Variants in NUP93 observed in about 807,000 individuals in gnomAD.
The protein encoded by NUP93 is nucleoporin 93.
NUP93 carries 55 observed loss-of-function variants against 107.8 expected under a neutral mutation model. The ratio of observed to expected loss-of-function variants is 0.51; its 90% CI spans 0.41 to 0.64. The LOEUF (loss-of-function observed/expected upper bound fraction) is 0.64. Ranked by LOEUF, NUP93 falls within the 30% of genes least tolerant of loss-of-function variation. The probability of loss-of-function intolerance (pLI) is 0.00; values close to 1 mark genes in which losing one functional copy is unlikely to be tolerated. For missense variants in NUP93, 937 were observed against 1,044.7 expected, an observed-to-expected ratio of 0.90 and a Z score of 1.42; for synonymous variants, 390 against 397.5, an observed-to-expected ratio of 0.98 and a Z score of 0.22.
rs768288058 is a variant in NUP93 at position 56,821,598 on chromosome 16, C to T, written c.654+5C>T. ...GTCGCAGAGCTCGATGATAAGGTAGCACCTAGAGCTAACTCAAGTAGAAAC... is the reference window on the plus strand; with the variant it reads ...GTCGCAGAGCTCGATGATAAGGTAGTACCTAGAGCTAACTCAAGTAGAAAC... On this transcript the variant is annotated splice_donor_5th_base_variant and intron_variant, in intron 7 of 21. Coordinates refer to ENST00000308159, the MANE Select transcript of NUP93 (RefSeq NM_014669.5). 1.7e-5 allele frequency: 27 copies of T among 1,600,634 alleles called. No individual in the cohort carries two copies. In the South Asian group the frequency reaches 2.8e-4, roughly 16 times the overall value.
rs1963832466 is a variant in NUP93 at position 56,833,212 on chromosome 16, C to T, written c.1346-3C>T. On this transcript the variant is annotated splice_polypyrimidine_tract_variant and splice_region_variant and intron_variant, in intron 12 of 21. Transcript: ENST00000308159. ...TTATCTCCTCTCCTCTCCTCTCTCC[C>T]AGGCGAGTCCCACTTTACGGTGAAC... is the stretch of plus-strand genomic sequence containing the variant. 6.3e-7 allele frequency: 1 copy of T among 1,597,348 alleles called. No homozygotes were observed. The highest frequency in any genetic ancestry group is 2.3e-5 in the East Asian group (1 of 43,574).
In NUP93 at chr16:56,839,780, A is replaced by G. The variant is rs547165072; in HGVS notation, c.2220+176A>G. Reference sequence around the variant, plus strand: ...GCCTGGCTTTTCTGTGAGTGCATACATCCCCATCAGATTATTGTCTGAATT... The same window carrying G: ...GCCTGGCTTTTCTGTGAGTGCATACGTCCCCATCAGATTATTGTCTGAATT... On this transcript the variant is annotated intron_variant, in intron 20 of 21. Transcript: ENST00000308159. The G allele has an allele frequency of 1.8e-5, 11 of 597,908 alleles. No individual in the cohort carries two copies. In the South Asian group the frequency reaches 2.1e-4, roughly 11 times the overall value. 37.0% of individuals were successfully genotyped at this position (597,908 alleles called of 1,614,324 possible).
Position 56,751,735 on chromosome 16 carries a change from CATGT to C in NUP93, c.179+3313_179+3316del, listed in dbSNP as rs549319343. Among the ~76,000 whole-genome samples, 852 of 152,274 alleles carry C rather than the reference CATGT, an allele frequency of 5.6e-3. 2 individuals carry two copies. Among genetic ancestry groups the C allele is most frequent in the South Asian group, 0.014 (67 of 4,822 alleles). The stretch of plus-strand genomic sequence containing the variant: ...GCCTCCTGACATTTTATATGCTTCC[CATGT>C]ATGCTGGGAACAGTCCTTGTCCTTC... On this transcript the variant is annotated intron_variant, in intron 2 of 21. Transcript: ENST00000308159.
intron 2 of NUP93, among the ~76,000 whole-genome samples, chr16:56,758,125 C>G (rs1171731687): frequency 3.3e-5 from 5 of 152,020 alleles, no homozygotes; most frequent in East Asian, 1.9e-4. Flanking sequence ...TGTCCTGCCT[C>G]TGCCACTTCC....
In NUP93 at chr16:56,835,107, G is replaced by T. The variant is rs113694051; in HGVS notation, c.1782+329G>T. On this transcript the variant is annotated intron_variant, in intron 16 of 21. Coordinates refer to ENST00000308159, the MANE Select transcript of NUP93 (RefSeq NM_014669.5). The stretch of plus-strand genomic sequence containing the variant: ...TGGCTCAGAAAACATGCAAGGAAAA[G>T]AAATTGATTACTGCACCCATTCTCC... Among the ~76,000 whole-genome samples, 1,363 of 152,310 alleles carry T rather than the reference G, an allele frequency of 8.9e-3. 18 individuals are homozygous for T. Among genetic ancestry groups the T allele is most frequent in the African/African-American group, 0.031 (1,287 of 41,576 alleles).
intron 6 of NUP93, among the ~76,000 whole-genome samples, chr16:56,820,766 T>A (rs1470141140): frequency 6.6e-6 from 1 of 152,150 alleles, no homozygotes; most frequent in Non-Finnish European, 1.5e-5. Context: ...AAGTAGAATC[T>A]TCCACAAGAA....
intron 11 of NUP93, 109 bp from the exon 12 acceptor site, chr16:56,832,186 A>G (rs960631211): frequency 8.0e-7 from 1 of 1,254,904 alleles, no homozygotes; most frequent in Non-Finnish European, 1.2e-6. Context: ...AGCCTTAAAC[A>G]CAGCTTCTAG....
Position 56,837,651 on chromosome 16 carries a change from C to T in NUP93, c.1943C>T (p.Pro648Leu), listed in dbSNP as rs1269746871. 1 of 1,614,068 alleles carries T rather than the reference C, an allele frequency of 6.2e-7. No individual in the cohort carries two copies. Among genetic ancestry groups the T allele is most frequent in the Non-Finnish European group, 8.5e-7 (1 of 1,180,014 alleles). ...VLELMNKLLS[P>L]VVPQISAPQS... ...GAGCTGATGAACAAACTGCTGAGCC[C>T]TGTCGTCCCCCAGATCAGTGCCCCG... Residue 648 changes from proline to leucine, a missense_variant, in exon 18 of 22, where the codon CCT becomes CTT. Coordinates refer to ENST00000308159, the MANE Select transcript of NUP93 (RefSeq NM_014669.5).
In NUP93 at chr16:56,849,165, A is replaced by G. The variant is rs1964149282; in HGVS notation, c.*4556A>G. 6.6e-6 allele frequency: 1 copy of G among 152,212 alleles called. No individual in the cohort carries two copies. The highest frequency in any genetic ancestry group is 2.1e-4 in the South Asian group (1 of 4,826). 9.4% of individuals were successfully genotyped at this position (152,212 alleles called of 1,614,324 possible). A position where few individuals can be genotyped will look rare whatever the true frequency, so the allele number is the denominator to read the frequency against. On this transcript the variant is annotated 3_prime_UTR_variant, in exon 22 of 22. Coordinates refer to ENST00000308159, the MANE Select transcript of NUP93 (RefSeq NM_014669.5). Reference sequence around the variant, plus strand: ...CCGTGATTCACCGTGGGGGCCCTTAATAGGCATTCAGTCTGAAAGAAGGTG... The same window carrying G: ...CCGTGATTCACCGTGGGGGCCCTTAGTAGGCATTCAGTCTGAAAGAAGGTG...
intron 2 of NUP93, among the ~76,000 whole-genome samples, chr16:56,753,143 A>G (rs1961955057): frequency 6.6e-6 from 1 of 152,244 alleles, no homozygotes; most frequent in Admixed American, 6.5e-5. Flanking sequence ...CAGGGTAATT[A>G]CATAGTTGAT....
At chr16:56,778,626 A>C (rs1394127977) in intron 3 of NUP93, among the ~76,000 whole-genome samples, 2 of 152,180 alleles carry the variant, frequency 1.3e-5, no homozygotes, top group African/African-American at 4.8e-5. Flanking sequence ...GTGGTGCCTG[A>C]TGGGCTTAAG....
intron 3 of NUP93, among the ~76,000 whole-genome samples, chr16:56,768,985 T>G (rs1271970211): frequency 6.6e-6 from 1 of 152,200 alleles, no homozygotes; most frequent in Non-Finnish European, 1.5e-5. Flanking sequence ...GGCTTGCTCA[T>G]TTAATCTTCC....
Position 56,733,683 on chromosome 16 carries a change from A to G in NUP93, c.-15+3472A>G, listed in dbSNP as rs905494447. 2.0e-5 allele frequency among the ~76,000 whole-genome samples: 3 copies of G among 152,106 alleles called. No individual in the cohort carries two copies. In the East Asian group the frequency reaches 5.8e-4, roughly 29 times the overall value. On this transcript the variant is annotated intron_variant, in intron 1 of 21. Transcript: ENST00000308159. ...GGACAGTTGGAAATACTGGCTTGGG[A>G]AAAGAGTTGGGCTGGACATAGAGAT...
At chr16:56,748,049 A>T in intron 1 of NUP93, 185 bp from the exon 2 acceptor site, 58 of 389,468 alleles carry the variant, frequency 1.5e-4, no homozygotes, top group East Asian at 3.7e-4. Flanking sequence ...TCACAGCCTG[A>T]CTCATTTTCT....
intron 1 of NUP93, among the ~76,000 whole-genome samples, chr16:56,740,176 C>T (rs1961700020): frequency 6.7e-6 from 1 of 148,478 alleles, no homozygotes; most frequent in African/African-American, 2.5e-5. Context: ...GGAGACGCTC[C>T]TCACTTCCCA....
In NUP93 at chr16:56,839,603, A is replaced by G; in HGVS notation, c.2219A>G (p.Glu740Gly). ...GCTGCCTTCAGAAATTTCAGTGATG[A>G]AGTAAGTTCCTTCTTCCTGAGTTGT... The part of the protein sequence containing the change: ...RVAAFRNFSD[E>G]IRHNLSEVLL... The change falls in exon 20 of 22, where the codon GAA becomes GGA. Residue 740 changes from glutamate (E) to glycine (G), a missense_variant and splice_region_variant. Physicochemically the swap from Glu to Gly is moderately conservative, Grantham distance 98 (BLOSUM62 -2). Coordinates refer to ENST00000308159, the MANE Select transcript of NUP93 (RefSeq NM_014669.5). 6.2e-7 allele frequency: 1 copy of G among 1,611,526 alleles called. No individual in the cohort carries two copies. Among genetic ancestry groups the G allele is most frequent in the Non-Finnish European group, 8.5e-7 (1 of 1,177,712 alleles).
intron 3 of NUP93, among the ~76,000 whole-genome samples, chr16:56,790,112 CAAAACA>C (rs1395131723): frequency 2.0e-5 from 3 of 151,704 alleles, no homozygotes; most frequent in Admixed American, 1.3e-4. Context: ...CAAAACAAAA[CAAAACA>C]AAACAAAACA....
intron 4 of NUP93, among the ~76,000 whole-genome samples, chr16:56,800,328 C>T (rs1481400362): frequency 6.6e-6 from 1 of 152,158 alleles, no homozygotes. Context: ...GTGAGTTACT[C>T]ACCAACATTG....
At chr16:56,753,671 G>A (rs1961965184) in intron 2 of NUP93, among the ~76,000 whole-genome samples, 2 of 152,044 alleles carry the variant, frequency 1.3e-5, no homozygotes, top group Non-Finnish European at 2.9e-5. Context: ...GAGTAACACT[G>A]CTTTACAAGA....
Sources: allele counts gnomAD v4.1 joint callset (sites outside exome capture counted in the v4.1 genomes callset), GRCh38; gene constraint gnomAD v4.1.1; transcripts MANE v1.5; gene names NCBI Gene and HGNC (gene_info 2026-07-23, HGNC 2026-07-21).